Variants in PPP3CA observed in about 807,000 individuals in gnomAD.
PPP3CA encodes CAM-PRP catalytic subunit.
A neutral mutation model predicts 66.5 loss-of-function variants in PPP3CA; 14 were observed. The ratio of observed to expected loss-of-function variants is 0.21; its 90% CI spans 0.14 to 0.33. The LOEUF (loss-of-function observed/expected upper bound fraction) is 0.33. PPP3CA is among the 10% of genes least tolerant of loss of function. The pLI is 1.00. For missense variants in PPP3CA, 317 were observed against 639.5 expected, an observed-to-expected ratio of 0.50 and a Z score of 5.44; for synonymous variants, 232 against 226.2, an observed-to-expected ratio of 1.03 and a Z score of -0.23.
At chr4:101,135,194 C>T (rs369445162) in intron 2 of PPP3CA, among the ~76,000 whole-genome samples, 57 of 150,826 alleles carry the variant, frequency 3.8e-4, no homozygotes, top group African/African-American at 1.3e-3. Flanking sequence ...CTTCTGCACA[C>T]GTATCACAGA....
chr4:101,345,135 C>T (rs1334899933), intron 1 of PPP3CA, among the ~76,000 whole-genome samples: 2 of 152,114 alleles, frequency 1.3e-5, no homozygotes, highest in Admixed American at 1.3e-4. Context: ...GAGCTATTTC[C>T]TCATTATTTT....
At chr4:101,346,212 G>T (rs1729987953) in intron 1 of PPP3CA, among the ~76,000 whole-genome samples, 1 of 151,996 alleles carries the variant, frequency 6.6e-6, no homozygotes, top group Admixed American at 6.5e-5. Context: ...AGGGGGGCGC[G>T]GAGGGAATTG....
chr4:101,327,512 A>C (rs1729244311), intron 1 of PPP3CA, among the ~76,000 whole-genome samples: 3 of 151,458 alleles, frequency 2.0e-5, no homozygotes, highest in Admixed American at 2.0e-4. Flanking sequence ...AAAAAGACAA[A>C]CAAAAAATCC....
intron 9 of PPP3CA, 69 bp from the exon 10 acceptor site, chr4:101,061,230 T>C (rs1267674313): frequency 1.5e-6 from 2 of 1,313,368 alleles, no homozygotes; most frequent in Non-Finnish European, 2.2e-6. Flanking sequence ...ACTCTGGCAT[T>C]GTTAATGAGC....
At chr4:101,247,164 GT>G (rs1411145594) in intron 1 of PPP3CA, among the ~76,000 whole-genome samples, 1 of 150,900 alleles carries the variant, frequency 6.6e-6, no homozygotes, top group Non-Finnish European at 1.5e-5. Flanking sequence ...TTTCCTTTTC[GT>G]TTTTTCTTTT....
At chr4:101,069,297 G>A (rs1728811500) in intron 8 of PPP3CA, among the ~76,000 whole-genome samples, 1 of 152,042 alleles carries the variant, frequency 6.6e-6, no homozygotes, top group Non-Finnish European at 1.5e-5. Flanking sequence ...GAATTATTTT[G>A]TGTGTATCAA....
chr4:101,077,512 C>G (rs572637748), intron 8 of PPP3CA, among the ~76,000 whole-genome samples: 1 of 152,312 alleles, frequency 6.6e-6, no homozygotes, highest in African/African-American at 2.4e-5. Flanking sequence ...TATTCAAACA[C>G]AGTAATTTTC....
At position 101,067,337 on chromosome 4, in the gene PPP3CA, T is replaced by C. The variant is rs575306632; in HGVS notation, c.956-3980A>G. Among the ~76,000 whole-genome samples, 3 of 152,168 alleles carry C rather than the reference T, an allele frequency of 2.0e-5. No individual in the cohort carries two copies. The South Asian group carries it at 6.2e-4, about 32-fold the overall frequency. On this transcript the variant is annotated intron_variant, in intron 8 of 13. Transcript: ENST00000394854. ...AAATTAGTAATCAAGGGCCTGCTCC[T>C]ACTTGGTGAATGGGGAAGGCGGACT... is the stretch of plus-strand genomic sequence containing the variant.
chr4:101,318,590 CTGTT>C (rs1728949720), intron 1 of PPP3CA, among the ~76,000 whole-genome samples: 1 of 152,066 alleles, frequency 6.6e-6, no homozygotes, highest in African/African-American at 2.4e-5. Flanking sequence ...GGTAACTGCT[CTGTT>C]TGTATATCCA....
At chr4:101,285,591 CTGTGTGTATGTGTGTGTGTGTGTGTGTG>C (rs1377322004) in intron 1 of PPP3CA, among the ~76,000 whole-genome samples, 35 of 131,860 alleles carry the variant, frequency 2.7e-4, no homozygotes, top group African/African-American at 1.0e-3. Context: ...TCAAATGCCA[CTGTGTGTATGTGTGTGTGTGTGTGTGTG>C]TGTGTGTGTG....
At chr4:101,071,280 T>A (rs1285856466) in intron 8 of PPP3CA, among the ~76,000 whole-genome samples, 5 of 152,224 alleles carry the variant, frequency 3.3e-5, no homozygotes, top group Non-Finnish European at 7.3e-5. Context: ...TGATTCTAGG[T>A]TATCTCCAAG....
At chr4:101,341,912 AGAGT>A (rs1469582890) in intron 1 of PPP3CA, among the ~76,000 whole-genome samples, 1 of 152,184 alleles carries the variant, frequency 6.6e-6, no homozygotes, top group African/African-American at 2.4e-5. Context: ...TGCTAAAAGG[AGAGT>A]GAGTATCTGC....
chr4:101,095,034 T>A (rs1393243321), intron 5 of PPP3CA, among the ~76,000 whole-genome samples: 1 of 152,118 alleles, frequency 6.6e-6, no homozygotes, highest in East Asian at 1.9e-4. Context: ...TGCACACTAC[T>A]TTTTATTAGT....
chr4:101,080,699 T>C (rs1254575524), intron 7 of PPP3CA, 73 bp from the exon 8 acceptor site: 3 of 887,262 alleles, frequency 3.4e-6, no homozygotes, highest in African/African-American at 3.4e-5. Flanking sequence ...GATTGAGAAA[T>C]AGAAAATTAG....
chr4:101,335,094 T>TA (rs1201762712), intron 1 of PPP3CA, among the ~76,000 whole-genome samples: 3 of 152,094 alleles, frequency 2.0e-5, no homozygotes, highest in Non-Finnish European at 4.4e-5. Context: ...TATCTTAAAA[T>TA]AAGTCATCTG....
chr4:101,331,794 A>G (rs1159868240), intron 1 of PPP3CA, among the ~76,000 whole-genome samples: 1 of 152,192 alleles, frequency 6.6e-6, no homozygotes, highest in East Asian at 1.9e-4. Flanking sequence ...TAAATTGGAG[A>G]CTTAAAATAA....
At chr4:101,332,770 T>C (rs559635872) in intron 1 of PPP3CA, among the ~76,000 whole-genome samples, 16 of 152,196 alleles carry the variant, frequency 1.1e-4, no homozygotes, top group African/African-American at 3.9e-4. Flanking sequence ...GTAAGAAAAA[T>C]GGGTTCAAGA....
intron 1 of PPP3CA, among the ~76,000 whole-genome samples, chr4:101,322,408 CTTTT>C (rs1254595877): frequency 2.2e-5 from 3 of 134,120 alleles, no homozygotes; most frequent in African/African-American, 2.8e-5. Context: ...CTACTGACAT[CTTTT>C]TTTTTTTTTT....
At chr4:101,309,965 T>C (rs890863301) in intron 1 of PPP3CA, among the ~76,000 whole-genome samples, 1 of 152,304 alleles carries the variant, frequency 6.6e-6, no homozygotes, top group Admixed American at 6.5e-5. Flanking sequence ...CTAGAAAGCT[T>C]GAGACAGTAT....
Sources: allele counts gnomAD v4.1 joint callset (sites outside exome capture counted in the v4.1 genomes callset), GRCh38; gene constraint gnomAD v4.1.1; transcripts MANE v1.5; gene names NCBI Gene and HGNC (gene_info 2026-07-23, HGNC 2026-07-21).